The following PEBP4 variants were observed in gnomAD, a reference collection of about 807,000 sequenced individuals.
The protein encoded by PEBP4 is phosphatidylethanolamine binding protein 4, also known as phosphatidylethanolamine-binding protein 4.
PEBP4 carries 22 observed loss-of-function variants against 23.9 expected under a neutral mutation model. That is an observed-to-expected ratio of 0.92 (90% CI 0.66 to 1.31). PEBP4 has a LOEUF of 1.31. PEBP4 is among the 40% of genes most tolerant of loss of function. PEBP4 has a pLI of 0.00. For synonymous variants in PEBP4, 112 were observed against 99.3 expected (o/e 1.13, Z -0.76); for missense variants, 324 against 281.7 (o/e 1.15, Z -1.07).
intron 3 of PEBP4, among the ~76,000 whole-genome samples, chr8:22,916,020 G>A (rs1336456766): frequency 6.6e-6 from 1 of 152,198 alleles, no homozygotes; most frequent in South Asian, 2.1e-4. Context: ...AGAGGCCTGG[G>A]CTGGCATGAA....
chr8:22,899,059 G>T (rs914819849), intron 3 of PEBP4, among the ~76,000 whole-genome samples: 11 of 152,210 alleles, frequency 7.2e-5, no homozygotes, highest in Non-Finnish European at 1.5e-4. Context: ...AGCCTCTGAA[G>T]CTGGCGATCT....
At chr8:22,784,845 C>T (rs538561005) in intron 4 of PEBP4, among the ~76,000 whole-genome samples, 39 of 152,304 alleles carry the variant, frequency 2.6e-4, no homozygotes, top group African/African-American at 9.1e-4. Flanking sequence ...TCCCTTCCTT[C>T]GAGGTTACAT....
intron 4 of PEBP4, chr8:22,758,156 C>G (rs997133396): frequency 6.6e-6 from 1 of 152,228 alleles, no homozygotes; most frequent in Non-Finnish European, 1.5e-5. Context: ...TTCTCTGTAG[C>G]CTGATTTCAT....
intron 3 of PEBP4, among the ~76,000 whole-genome samples, chr8:22,837,890 CTTTTTTTTTTTTTTT>C (rs746772591): frequency 1.5e-5 from 1 of 64,552 alleles, no homozygotes; most frequent in Non-Finnish European, 2.7e-5. Flanking sequence ...TTATTATATT[CTTTTTTTTTTTTTTT>C]TTTTTTTTTT....
chr8:22,858,661 C>G (rs1363056182), intron 3 of PEBP4, among the ~76,000 whole-genome samples: 3 of 152,160 alleles, frequency 2.0e-5, no homozygotes, highest in African/African-American at 7.2e-5. Context: ...AGATAAATAA[C>G]AGAGGCTGGG....
chr8:22,890,774 T>C (rs1395897049), intron 3 of PEBP4, among the ~76,000 whole-genome samples: 1 of 152,232 alleles, frequency 6.6e-6, no homozygotes, highest in Non-Finnish European at 1.5e-5. Flanking sequence ...TACTTTACCT[T>C]CTTGAACCTC....
At chr8:22,718,631 CCCTTTGGAGGAAGAGCG>C (rs1804458736) in intron 6 of PEBP4, among the ~76,000 whole-genome samples, 1 of 152,130 alleles carries the variant, frequency 6.6e-6, no homozygotes, top group Non-Finnish European at 1.5e-5. Context: ...GTGGGTGGGG[CCCTTTGGAGGAAGAGCG>C]CCTCCTGCCA....
intron 6 of PEBP4, 119 bp from the exon 7 acceptor site, chr8:22,713,655 C>T: frequency 7.1e-7 from 1 of 1,409,270 alleles, no homozygotes; most frequent in Middle Eastern, 2.3e-4. Context: ...ATGCGATGGC[C>T]ATGGGGCGTA....
intron 4 of PEBP4, among the ~76,000 whole-genome samples, chr8:22,796,208 C>T (rs1018513127): frequency 6.6e-6 from 1 of 152,122 alleles, no homozygotes; most frequent in Non-Finnish European, 1.5e-5. Context: ...AAATATCAGA[C>T]TCTTGAACCT....
intron 4 of PEBP4, among the ~76,000 whole-genome samples, chr8:22,789,611 A>G (rs1806096763): frequency 6.6e-6 from 1 of 152,152 alleles, no homozygotes; most frequent in African/African-American, 2.4e-5. Context: ...ACCTGGGCCC[A>G]CTGCAGAGCT....
chr8:22,751,431 T>C (rs772819206), intron 4 of PEBP4, among the ~76,000 whole-genome samples: 3 of 152,190 alleles, frequency 2.0e-5, no homozygotes, highest in Non-Finnish European at 4.4e-5. Context: ...TGTGAGACCC[T>C]AGGTCTTCCC....
intron 5 of PEBP4, among the ~76,000 whole-genome samples, chr8:22,725,999 ATG>A (rs10680983): frequency 0.075 from 10,993 of 146,320 alleles, 509 homozygotes; most frequent in African/African-American, 0.13. Context: ...GATCAGATAT[ATG>A]TGTGTGTGTG....
chr8:22,813,819 G>A (rs1042194386), intron 4 of PEBP4, among the ~76,000 whole-genome samples: 8 of 152,250 alleles, frequency 5.3e-5, no homozygotes, highest in East Asian at 1.9e-4. Context: ...GGCCAGGTTC[G>A]GAGACTGGAG....
intron 3 of PEBP4, among the ~76,000 whole-genome samples, chr8:22,822,081 A>C (rs1362384259): frequency 6.6e-6 from 1 of 151,996 alleles, no homozygotes; most frequent in Non-Finnish European, 1.5e-5. Flanking sequence ...GGAAGGGATA[A>C]AGGTTGTGTC....
At position 22,865,263 on chromosome 8, in the gene PEBP4, A is replaced by T. The variant is rs550622504; in HGVS notation, c.259-47528T>A. Among the ~76,000 whole-genome samples the T allele has an allele frequency of 6.6e-6, 1 of 152,112 alleles. No homozygotes were observed. The highest frequency in any genetic ancestry group is 1.5e-5 in the Non-Finnish European group (1 of 67,980). On this transcript the variant is annotated intron_variant, in intron 3 of 6. Coordinates refer to ENST00000256404, the MANE Select transcript of PEBP4 (RefSeq NM_144962.3). The surrounding 1 kb of genome is among the most constrained non-coding windows in gnomAD (Gnocchi z 6.9). ...GGAAGGTGTTTTTGCGAAAATGACAAAACAACTCCTTGCTCAGGGCAGCCC... is the reference window on the plus strand; with the variant it reads ...GGAAGGTGTTTTTGCGAAAATGACATAACAACTCCTTGCTCAGGGCAGCCC...
chr8:22,866,636 G>A (rs1279242960), intron 3 of PEBP4, among the ~76,000 whole-genome samples: 2 of 151,990 alleles, frequency 1.3e-5, no homozygotes, highest in East Asian at 3.9e-4. Context: ...CCTTAAGGGG[G>A]TGGGGTGGGG....
chr8:22,879,162 A>G (rs1302846908), intron 3 of PEBP4: 2 of 152,294 alleles, frequency 1.3e-5, no homozygotes, highest in Non-Finnish European at 2.9e-5. Context: ...AAGACCAGAC[A>G]TGGAGGTTTA....
chr8:22,833,520 T>TG (rs1807132367), intron 3 of PEBP4, among the ~76,000 whole-genome samples: 1 of 152,162 alleles, frequency 6.6e-6, no homozygotes, highest in Admixed American at 6.5e-5. Context: ...TTGGTAGAGA[T>TG]GGGGTTTCAC....
In PEBP4 at chr8:22,713,488, G is replaced by T. The variant is rs1472821843; in HGVS notation, c.566C>A (p.Pro189His). Residue 189 changes from proline to histidine, a missense_variant, in exon 7 of 7, where the codon CCT (proline) becomes CAT (histidine). Transcript: ENST00000256404. ...RFLNRFHLGE[P>H]EASTQFMTQN... is the part of the protein sequence containing the mutation. ...GGTCATGAACTGGGTGCTTGCTTCAGGTTCGCCCAGGTGGAAACGGTTCAG... is the reference window on the plus strand; with the variant it reads ...GGTCATGAACTGGGTGCTTGCTTCATGTTCGCCCAGGTGGAAACGGTTCAG... 1.2e-6 allele frequency: 2 copies of T among 1,614,196 alleles called. No homozygotes were observed. Among genetic ancestry groups the T allele is most frequent in the South Asian group, 1.1e-5 (1 of 91,088 alleles).
Sources: allele counts gnomAD v4.1 joint callset (sites outside exome capture counted in the v4.1 genomes callset), GRCh38; gene constraint gnomAD v4.1.1; non-coding constraint Gnocchi (gnomAD v3.1); transcripts MANE v1.5; gene names NCBI Gene and HGNC (gene_info 2026-07-23, HGNC 2026-07-21).